Variants in CNTN3 observed in about 807,000 individuals in gnomAD.
The protein encoded by CNTN3 is contactin-3.
Under a neutral mutation model 119.1 loss-of-function variants are expected in CNTN3, and 60 were observed. The ratio of observed to expected loss-of-function variants is 0.50; its 90% CI spans 0.41 to 0.62. The LOEUF (loss-of-function observed/expected upper bound fraction) is 0.62. Ranked by LOEUF, CNTN3 falls within the 20% of genes least tolerant of loss-of-function variation. The pLI is 0.00. For missense variants in CNTN3, 1,101 were observed against 1,242.4 expected (o/e 0.89, Z 1.71); for synonymous variants, 450 against 438.7 (o/e 1.03, Z -0.32).
At chr3:74,515,710 G>A (rs1353174222) in intron 2 of CNTN3, among the ~76,000 whole-genome samples, 1 of 152,004 alleles carries the variant, frequency 6.6e-6, no homozygotes, top group Non-Finnish European at 1.5e-5. Context: ...GGCATGTCAA[G>A]GAAATTCCTA....
At chr3:74,418,754 T>C (rs1701568757) in intron 5 of CNTN3, among the ~76,000 whole-genome samples, 2 of 151,932 alleles carry the variant, frequency 1.3e-5, no homozygotes, top group South Asian at 4.1e-4. Flanking sequence ...TTTTGAAAAA[T>C]GCTAATGTTT....
chr3:74,468,803 T>TAC (rs34341170), intron 4 of CNTN3, among the ~76,000 whole-genome samples: 83,437 of 151,886 alleles, frequency 0.55, 23,256 homozygotes, highest in African/African-American at 0.57. Flanking sequence ...AACACCTATA[T>TAC]ACGTGACAGA....
At chr3:74,270,287 T>C (rs1701746227) in intron 20 of CNTN3, among the ~76,000 whole-genome samples, 1 of 152,150 alleles carries the variant, frequency 6.6e-6, no homozygotes, top group African/African-American at 2.4e-5. Flanking sequence ...CAAAGGGAAA[T>C]AGGCCACCCC....
rs183445568 is a variant in CNTN3 at position 74,396,022 on chromosome 3, A to G, written c.455-24623T>C. Among the ~76,000 whole-genome samples, 11 of 152,140 alleles carry G rather than the reference A, an allele frequency of 7.2e-5. No individual in the cohort carries two copies. The East Asian group carries it at 1.7e-3, about 24-fold the overall frequency. On this transcript the variant is annotated intron_variant, in intron 5 of 22. Transcript: ENST00000263665. ...GGCAAACTTGATTAATAAATGTTCT[A>G]TGTGTTCTGATTACTCTACTAACTG...
At position 74,565,283 on chromosome 3, in the gene CNTN3, T is replaced by C. The variant is rs141834810; in HGVS notation, c.-80-44091A>G. On this transcript the variant is annotated intron_variant, in intron 1 of 22. Transcript: ENST00000263665. Reference sequence around the variant, plus strand: ...AGGCTCTAAGGGAAAATCTGTTTCCTTGTCTTTTCCAGGTTATAGAGGCTG... The same window carrying C: ...AGGCTCTAAGGGAAAATCTGTTTCCCTGTCTTTTCCAGGTTATAGAGGCTG... Among the ~76,000 whole-genome samples the C allele has an allele frequency of 2.8e-3, 429 of 152,310 alleles. 5 individuals carry two copies. Among genetic ancestry groups the C allele is most frequent in the African/African-American group, 0.01 (421 of 41,570 alleles).
intron 1 of CNTN3, among the ~76,000 whole-genome samples, chr3:74,534,339 TA>T (rs1209185403): frequency 3.9e-5 from 6 of 152,204 alleles, no homozygotes; most frequent in Middle Eastern, 6.8e-3. Flanking sequence ...CACCCTCTCA[TA>T]TCCCCACTTT....
intron 5 of CNTN3, among the ~76,000 whole-genome samples, chr3:74,385,129 T>C (rs1704715568): frequency 6.6e-6 from 1 of 152,220 alleles, no homozygotes. Flanking sequence ...ATTTTATCAC[T>C]TCTTGTTAGA....
intron 2 of CNTN3, among the ~76,000 whole-genome samples, chr3:74,511,468 C>G (rs1043599042): frequency 2.6e-5 from 4 of 152,014 alleles, no homozygotes; most frequent in African/African-American, 9.7e-5. Context: ...ACCACTTTAT[C>G]AGAAATTCAA....
chr3:74,593,265 G>A (rs1223904082), intron 1 of CNTN3, among the ~76,000 whole-genome samples: 1 of 151,866 alleles, frequency 6.6e-6, no homozygotes, highest in Non-Finnish European at 1.5e-5. Context: ...AGAGCCTCCT[G>A]AATCATCTCT....
At chr3:74,608,920 C>A (rs142513764) in intron 1 of CNTN3, among the ~76,000 whole-genome samples, 2 of 152,272 alleles carry the variant, frequency 1.3e-5, no homozygotes, top group African/African-American at 4.8e-5. Context: ...GAGGTCAAAC[C>A]TAGTCTAGGG....
At position 74,264,106 on chromosome 3, in the gene CNTN3, AGT is replaced by A. The variant is rs550243226; in HGVS notation, c.*293_*294del. On this transcript the variant is annotated 3_prime_UTR_variant, in exon 23 of 23. Transcript: ENST00000263665. ...TCATGCGTGTGTGTGTACATGTGAG[AGT>A]GTGTGAGTCTTTATCCATAGGCAGT... 4.8e-5 allele frequency: 10 copies of A among 209,186 alleles called. 1 individual carries two copies. The South Asian group carries it at 7.4e-4, about 16-fold the overall frequency. The allele number at this position is 209,186 out of a possible 1,614,324, so 13.0% of individuals were successfully genotyped here. A position where few individuals can be genotyped will look rare whatever the true frequency, so the allele number is the denominator to read the frequency against.
chr3:74,604,011 C>T (rs1704953214), intron 1 of CNTN3, among the ~76,000 whole-genome samples: 1 of 152,054 alleles, frequency 6.6e-6, no homozygotes, highest in African/African-American at 2.4e-5. Flanking sequence ...GAAATAAATC[C>T]ATGCAGTTAC....
chr3:74,275,310 T>C lies in CNTN3; in HGVS notation c.2705-7932A>G, dbSNP rs140398810. On this transcript the variant is annotated intron_variant, in intron 20 of 22. Coordinates refer to ENST00000263665, the MANE Select transcript of CNTN3 (RefSeq NM_020872.3). ...AGAACCAGAAACAACACCTGGAAAA[T>C]TCATCACAAAAAGATCATTGCCTAG... 1.7e-4 allele frequency among the ~76,000 whole-genome samples: 26 copies of C among 152,154 alleles called. No homozygotes were observed. The East Asian group carries it at 4.8e-3, about 28-fold the overall frequency.
chr3:74,485,049 T>C (rs1370603631), intron 4 of CNTN3, among the ~76,000 whole-genome samples: 3 of 152,130 alleles, frequency 2.0e-5, no homozygotes, highest in Non-Finnish European at 2.9e-5. Context: ...ACATCATAGA[T>C]TTTGCCAAAA....
chr3:74,496,735 A>G (rs1295409722), intron 3 of CNTN3, among the ~76,000 whole-genome samples: 2 of 152,112 alleles, frequency 1.3e-5, no homozygotes, highest in Non-Finnish European at 2.9e-5. Context: ...AGCAGTTACA[A>G]TGAGATTGAA....
chr3:74,595,043 G>T (rs1251368528), intron 1 of CNTN3, among the ~76,000 whole-genome samples: 1 of 151,954 alleles, frequency 6.6e-6, no homozygotes, highest in Non-Finnish European at 1.5e-5. Context: ...TTCTCTGATG[G>T]CCAGTGATGA....
intron 4 of CNTN3, among the ~76,000 whole-genome samples, chr3:74,468,666 A>C (rs1009366635): frequency 6.6e-6 from 1 of 152,218 alleles, no homozygotes; most frequent in African/African-American, 2.4e-5. Context: ...AAACAAAAAA[A>C]TACACTAAAC....
intron 2 of CNTN3, among the ~76,000 whole-genome samples, chr3:74,514,385 G>C (rs1018189858): frequency 6.6e-6 from 1 of 152,098 alleles, no homozygotes; most frequent in Non-Finnish European, 1.5e-5. Flanking sequence ...ATTCTTCAAA[G>C]AAATTAATAT....
At chr3:74,487,866 A>T (rs756414476) in intron 3 of CNTN3, among the ~76,000 whole-genome samples, 1 of 152,018 alleles carries the variant, frequency 6.6e-6, no homozygotes, top group Non-Finnish European at 1.5e-5. Context: ...AAGGTAAATT[A>T]AAAAATTCAG....
Sources: gnomAD v4.1 joint callset for allele counts (sites outside exome capture counted in the v4.1 genomes callset) on GRCh38, gnomAD v4.1.1 for gene constraint, MANE v1.5 for transcripts, NCBI Gene and HGNC (gene_info 2026-07-23, HGNC 2026-07-21) for gene names.